The following KCNIP1 variants were observed in gnomAD, a reference collection of about 807,000 sequenced individuals.
KCNIP1 encodes potassium voltage-gated channel interacting protein 1.
A neutral mutation model predicts 33.0 loss-of-function variants in KCNIP1; 18 were observed. That is an observed-to-expected ratio of 0.55 (90% CI 0.38 to 0.81). KCNIP1 has a LOEUF of 0.81. Among genes scored for constraint, KCNIP1 ranks in the 30% least tolerant of loss-of-function variants. KCNIP1 has a pLI of 0.00. For synonymous variants in KCNIP1, 93 were observed against 98.3 expected, an observed-to-expected ratio of 0.95 and a Z score of 0.32; for missense variants, 238 against 271.6, an observed-to-expected ratio of 0.88 and a Z score of 0.87.
At chr5:170,486,819 C>T (rs1757103218) in intron 1 of KCNIP1, among the ~76,000 whole-genome samples, 1 of 152,198 alleles carries the variant, frequency 6.6e-6, no homozygotes, top group Non-Finnish European at 1.5e-5. Context: ...CTTTCCTCCC[C>T]AGCCTGTACC....
intron 1 of KCNIP1, among the ~76,000 whole-genome samples, chr5:170,450,439 A>G (rs1048131177): frequency 6.6e-6 from 1 of 152,170 alleles, no homozygotes; most frequent in Non-Finnish European, 1.5e-5. Context: ...CCTTTCTCAC[A>G]GTCACTCTGT....
intron 1 of KCNIP1, among the ~76,000 whole-genome samples, chr5:170,544,187 C>T (rs768202413): frequency 1.1e-4 from 16 of 151,946 alleles, no homozygotes; most frequent in Non-Finnish European, 1.9e-4. Context: ...CCGAGGCCAG[C>T]GAATCACCTG....
intron 1 of KCNIP1, among the ~76,000 whole-genome samples, chr5:170,599,235 A>G (rs1321872224): frequency 2.6e-5 from 4 of 152,154 alleles, no homozygotes; most frequent in Admixed American, 2.0e-4. Flanking sequence ...ACTACTAGGC[A>G]TACAGTAGCG....
chr5:170,469,575 G>GC (rs1756678452), intron 1 of KCNIP1, among the ~76,000 whole-genome samples: 1 of 151,952 alleles, frequency 6.6e-6, no homozygotes. Context: ...TCTACTTCCT[G>GC]CCTCCCCAGC....
chr5:170,611,547 C>CA (rs1369716420), intron 1 of KCNIP1, among the ~76,000 whole-genome samples: 1 of 152,170 alleles, frequency 6.6e-6, no homozygotes, highest in African/African-American at 2.4e-5. Flanking sequence ...CACATACATC[C>CA]ACTCAGGGTC....
intron 1 of KCNIP1, among the ~76,000 whole-genome samples, chr5:170,600,648 A>AT: frequency 6.6e-6 from 1 of 152,316 alleles, no homozygotes. Flanking sequence ...GGAGCATGTC[A>AT]TTCATGGCTG....
At chr5:170,702,206 C>A (rs378438) in intron 1 of KCNIP1, among the ~76,000 whole-genome samples, 1 of 152,152 alleles carries the variant, frequency 6.6e-6, no homozygotes, top group Non-Finnish European at 1.5e-5. Flanking sequence ...TGCTTGGCAC[C>A]TAGTAGACAC....
intron 1 of KCNIP1, among the ~76,000 whole-genome samples, chr5:170,391,564 T>C (rs919194982): frequency 1.1e-4 from 16 of 152,154 alleles, no homozygotes; most frequent in African/African-American, 3.6e-4. Flanking sequence ...CAACAATAAA[T>C]ATTGACGGTT....
chr5:170,562,110 T>C (rs1030212541), intron 1 of KCNIP1, among the ~76,000 whole-genome samples: 2 of 152,118 alleles, frequency 1.3e-5, no homozygotes, highest in African/African-American at 2.4e-5. Context: ...AAAATAGATA[T>C]GTGGCAAATG....
At chr5:170,540,383 A>G (rs1756154850) in intron 1 of KCNIP1, among the ~76,000 whole-genome samples, 1 of 152,242 alleles carries the variant, frequency 6.6e-6, no homozygotes, top group Admixed American at 6.5e-5. Flanking sequence ...AGAGCCCAGC[A>G]TACTTACAGC....
At chr5:170,452,093 C>T (rs1756269312) in intron 1 of KCNIP1, among the ~76,000 whole-genome samples, 1 of 152,098 alleles carries the variant, frequency 6.6e-6, no homozygotes, top group Admixed American at 6.5e-5. Flanking sequence ...CATGGAAAGA[C>T]CCAGAGGGAA....
At chr5:170,623,037 C>T (rs960144333) in intron 1 of KCNIP1, among the ~76,000 whole-genome samples, 5 of 152,188 alleles carry the variant, frequency 3.3e-5, no homozygotes, top group Non-Finnish European at 7.3e-5. Context: ...CTAGATCCTT[C>T]GCATGCGCAG....
In KCNIP1 at chr5:170,397,395, G is replaced by C. The variant is rs533598131; in HGVS notation, c.88+43431G>C. 8.5e-4 allele frequency among the ~76,000 whole-genome samples: 129 copies of C among 152,298 alleles called. 1 individual carries two copies. The highest frequency in any genetic ancestry group is 2.6e-3 in the African/African-American group (108 of 41,564). ...CAGCTAGAGAGTGAGGAGGGGTCAGGAGGGGCTTACATAGATATCAGTCCA... is the reference window on the plus strand; with the variant it reads ...CAGCTAGAGAGTGAGGAGGGGTCAGCAGGGGCTTACATAGATATCAGTCCA... On this transcript the variant is annotated intron_variant, in intron 1 of 7. Coordinates refer to the KCNIP1 transcript ENST00000377360.
upstream of KCNIP1, among the ~76,000 whole-genome samples, chr5:170,502,788 G>A (rs1415527269): frequency 6.6e-6 from 1 of 152,086 alleles, no homozygotes; most frequent in African/African-American, 2.4e-5. Context: ...TTGGGCAAAG[G>A]ATCCTCAGTG....
chr5:170,524,635 A>G (rs1342050833), intron 1 of KCNIP1, among the ~76,000 whole-genome samples: 7 of 152,072 alleles, frequency 4.6e-5, no homozygotes, highest in South Asian at 4.2e-4. Flanking sequence ...GCCTGTCCCA[A>G]GATGGAAACA....
rs1761634729 is a variant in KCNIP1 at position 170,664,624 on chromosome 5, T to C, written c.62-54134T>C. Among the ~76,000 whole-genome samples the C allele has an allele frequency of 2.0e-5, 3 of 152,304 alleles. No homozygotes were observed. In the South Asian group the frequency reaches 6.2e-4, roughly 32 times the overall value. ...CCACTCCCGGCCCTCTGCATTCTTC[T>C]ATTTAAAACTATTTATTGAGATCTA... On this transcript the variant is annotated intron_variant, in intron 1 of 7. Transcript: ENST00000328939.
At chr5:170,375,482 AG>A (rs1203270627) in intron 1 of KCNIP1, 1 of 152,552 alleles carries the variant, frequency 6.6e-6, no homozygotes, top group Non-Finnish European at 1.5e-5. Flanking sequence ...CCTGGGTTCC[AG>A]GGATGCAACG....
chr5:170,706,917 C>T (rs921055565), intron 1 of KCNIP1, among the ~76,000 whole-genome samples: 20 of 152,124 alleles, frequency 1.3e-4, no homozygotes, highest in Non-Finnish European at 5.9e-5. Context: ...GCAACATGCC[C>T]TCTCTCTTCA....
intron 1 of KCNIP1, among the ~76,000 whole-genome samples, chr5:170,591,611 T>C (rs1758265579): frequency 6.6e-6 from 1 of 152,194 alleles, no homozygotes; most frequent in African/African-American, 2.4e-5. Context: ...CCCCATTCCC[T>C]CTTCCCCCAG....
Sources: allele counts gnomAD v4.1 joint callset (sites outside exome capture counted in the v4.1 genomes callset), GRCh38; gene constraint gnomAD v4.1.1; transcripts MANE v1.5; gene names NCBI Gene and HGNC (gene_info 2026-07-23, HGNC 2026-07-21).